Variants in HHIPL1 observed in about 807,000 individuals in gnomAD.
The protein encoded by HHIPL1 is HHIP-like protein 1.
HHIPL1 carries 43 observed loss-of-function variants against 61.8 expected under a neutral mutation model. That is an observed-to-expected ratio of 0.70 (90% CI 0.55 to 0.90). The LOEUF (loss-of-function observed/expected upper bound fraction) is 0.90. Ranked by LOEUF, HHIPL1 falls within the 40% of genes least tolerant of loss-of-function variation. The probability of loss-of-function intolerance (pLI) is 0.00; values close to 1 mark genes in which losing one functional copy is unlikely to be tolerated. For synonymous variants in HHIPL1, 482 were observed against 515.8 expected (o/e 0.93, Z 0.89); for missense variants, 1,056 against 1,157.7 (o/e 0.91, Z 1.28).
At position 99,675,371 on chromosome 14, in the gene HHIPL1, C is replaced by T. The variant is rs1040612599; in HGVS notation, c.2094C>T (p.Thr698=). The T allele has an allele frequency of 7.3e-6, 11 of 1,509,412 alleles. No homozygotes were observed. The African/African-American group carries it at 8.5e-5, about 12-fold the overall frequency. The allele number at this position is 1,509,412 out of a possible 1,614,324, so 93.5% of individuals were successfully genotyped here. A position where few individuals can be genotyped will look rare whatever the true frequency, so the allele number is the denominator to read the frequency against. Residue 698 remains threonine, a synonymous_variant, in exon 9 of 9, where the codon ACC becomes ACT. Coordinates refer to ENST00000330710, the MANE Select transcript of HHIPL1 (RefSeq NM_001127258.3). This position sits in a 1 kb window ranked among gnomAD's most constrained non-coding sequence, Gnocchi z 5.4. ...TGTTCGTGGGCGGACGCTGGGGCACCGTGTGCGACGACTCCTGGAACATCA... is the reference window on the plus strand; with the variant it reads ...TGTTCGTGGGCGGACGCTGGGGCACTGTGTGCGACGACTCCTGGAACATCA... ...VEVFVGGRWG[T]VCDDSWNISG...
chr14:99,607,530 T>C, the HHIPL1 span, among the ~76,000 whole-genome samples: 1 of 152,134 alleles, frequency 6.6e-6, no homozygotes, highest in African/African-American at 2.4e-5. Context: ...CAGCAGGGGC[T>C]GAGAACCGGT....
In HHIPL1 at chr14:99,645,226, G is replaced by T. The variant is rs1354072292; in HGVS notation, c.19G>T (p.Gly7Trp). 7.6e-7 allele frequency: 1 copy of T among 1,324,212 alleles called. No individual in the cohort carries two copies. Among genetic ancestry groups the T allele is most frequent in the African/African-American group, 1.5e-5 (1 of 65,156 alleles). 82.0% of individuals were successfully genotyped at this position (1,324,212 alleles called of 1,614,324 possible). A position where few individuals can be genotyped will look rare whatever the true frequency, so the allele number is the denominator to read the frequency against. ...CGTAGCGATGGCCCGGGCCAGGGCCGGGGCGCTGCTGGCGCTTTGGGTGCT... is the reference window on the plus strand; with the variant it reads ...CGTAGCGATGGCCCGGGCCAGGGCCTGGGCGCTGCTGGCGCTTTGGGTGCT... Reference protein sequence around the residue: MARARAGALLALWVLGA... With the variant: MARARAWALLALWVLGA... Residue 7 changes from glycine to tryptophan, a missense_variant, in exon 1 of 9, where the codon GGG becomes TGG. Gly to Trp is a radical substitution (Grantham distance 184). Coordinates refer to ENST00000330710, the MANE Select transcript of HHIPL1 (RefSeq NM_001127258.3).
At chr14:99,638,350 C>T in the HHIPL1 span, among the ~76,000 whole-genome samples, 1 of 152,132 alleles carries the variant, frequency 6.6e-6, no homozygotes, top group Non-Finnish European at 1.5e-5. Flanking sequence ...GGCGGCCTGT[C>T]GGGGAAGAGG....
chr14:99,668,220 A>T lies in HHIPL1; in HGVS notation c.1649-2A>T. The T allele has an allele frequency of 1.9e-6, 3 of 1,600,660 alleles. No homozygotes were observed. The highest frequency in any genetic ancestry group is 2.6e-6 in the Non-Finnish European group (3 of 1,167,830). ...TCACTAGTCACTTTGTTCTGTCCAAAGGGGAGCTGTACTTCATGTCGACAG... is the reference window on the plus strand; with the variant it reads ...TCACTAGTCACTTTGTTCTGTCCAATGGGGAGCTGTACTTCATGTCGACAG... On this transcript the variant is annotated splice_acceptor_variant, in intron 6 of 8. Coordinates refer to ENST00000330710, the MANE Select transcript of HHIPL1 (RefSeq NM_001127258.3). LOFTEE classifies it high-confidence loss of function. The surrounding 1 kb of genome is among the most constrained non-coding windows in gnomAD (Gnocchi z 4.7).
the HHIPL1 span, among the ~76,000 whole-genome samples, chr14:99,630,707 G>C: frequency 6.6e-6 from 1 of 152,208 alleles, no homozygotes; most frequent in Non-Finnish European, 1.5e-5. Context: ...CACAGACTCT[G>C]TTAGTTTGCT....
At chr14:99,635,216 G>A in the HHIPL1 span, among the ~76,000 whole-genome samples, 6 of 152,152 alleles carry the variant, frequency 3.9e-5, no homozygotes, top group Admixed American at 2.0e-4. Flanking sequence ...ACTGGCTGCC[G>A]GACAGTTGGG....
In HHIPL1 at chr14:99,675,779, C is replaced by T. The variant is rs2056385330; in HGVS notation, c.*153C>T. On this transcript the variant is annotated 3_prime_UTR_variant, in exon 9 of 9. Transcript: ENST00000330710. This position sits in a 1 kb window ranked among gnomAD's most constrained non-coding sequence, Gnocchi z 5.4. ...GGGACATGTGTGAGGCGCTGCAGTG[C>T]ATGTGTGTCCTCTGCAGACCCAAGG... 3 of 714,784 alleles carry T rather than the reference C, an allele frequency of 4.2e-6. No homozygotes were observed. In the South Asian group the frequency reaches 6.9e-5, roughly 16 times the overall value. The allele number at this position is 714,784 out of a possible 1,614,324, so 44.3% of individuals were successfully genotyped here. A position where few individuals can be genotyped will look rare whatever the true frequency, so the allele number is the denominator to read the frequency against.
At chr14:99,612,299 G>A in the HHIPL1 span, among the ~76,000 whole-genome samples, 10 of 152,132 alleles carry the variant, frequency 6.6e-5, no homozygotes, top group African/African-American at 9.7e-5. Flanking sequence ...CCCTTGACAC[G>A]TGGGGATTAT....
intron 7 of HHIPL1, chr14:99,669,182 A>T (rs1438908640): frequency 2.3e-6 from 3 of 1,298,568 alleles, no homozygotes; most frequent in Non-Finnish European, 2.9e-6. Flanking sequence ...CCAAGCCTGT[A>T]TCTCTTCACT....
intron 1 of HHIPL1, among the ~76,000 whole-genome samples, chr14:99,649,562 G>C (rs567416207): frequency 6.6e-6 from 1 of 152,188 alleles, no homozygotes; most frequent in Non-Finnish European, 1.5e-5. Context: ...GGGCCAAGGC[G>C]GGAGGATTGC....
chr14:99,619,976 G>A, the HHIPL1 span, among the ~76,000 whole-genome samples: 1 of 152,160 alleles, frequency 6.6e-6, no homozygotes, highest in Non-Finnish European at 1.5e-5. Flanking sequence ...ATGAGGATCC[G>A]GCCTTTCTCC....
At chr14:99,612,127 G>A in the HHIPL1 span, among the ~76,000 whole-genome samples, 2 of 152,176 alleles carry the variant, frequency 1.3e-5, no homozygotes, top group African/African-American at 4.8e-5. Context: ...ACAGTTCCGC[G>A]TGGCCAGGGA....
the HHIPL1 span, among the ~76,000 whole-genome samples, chr14:99,609,976 A>G: frequency 6.6e-6 from 1 of 152,250 alleles, no homozygotes; most frequent in Non-Finnish European, 1.5e-5. Flanking sequence ...AGACTAGCAG[A>G]CAGTGAGAAG....
chr14:99,670,399 C>G (rs1333926648), intron 7 of HHIPL1, among the ~76,000 whole-genome samples: 1 of 152,076 alleles, frequency 6.6e-6, no homozygotes, highest in Non-Finnish European at 1.5e-5. Flanking sequence ...GGTGTGAGCC[C>G]CCACGCCCAG....
chr14:99,644,532 C>A (rs1464187913), upstream of HHIPL1, among the ~76,000 whole-genome samples: 1 of 152,056 alleles, frequency 6.6e-6, no homozygotes, highest in Non-Finnish European at 1.5e-5. Flanking sequence ...GGATGCCCAT[C>A]CCAGGAGGTA....
rs572405459 is a variant in HHIPL1, at chr14:99,675,661, G to T, written c.*35G>T. The T allele has an allele frequency of 1.1e-4, 161 of 1,472,322 alleles. No individual in the cohort carries two copies. In the African/African-American group the frequency reaches 2.0e-3, roughly 19 times the overall value. 91.2% of individuals were successfully genotyped at this position (1,472,322 alleles called of 1,614,324 possible). On this transcript the variant is annotated 3_prime_UTR_variant, in exon 9 of 9. Coordinates refer to ENST00000330710, the MANE Select transcript of HHIPL1 (RefSeq NM_001127258.3). The surrounding 1 kb of genome is among the most constrained non-coding windows in gnomAD (Gnocchi z 5.4). ...CGCTGCCCCAGGCCATCCCGCCGGC[G>T]GGGGAGCCTGGCAGGGGCCGCTCCG...
chr14:99,610,640 A>C, the HHIPL1 span, among the ~76,000 whole-genome samples: 245 of 152,230 alleles, frequency 1.6e-3, no homozygotes, highest in African/African-American at 5.7e-3. Flanking sequence ...AGGTGCCTGT[A>C]ATCCTAGCTA....
chr14:99,661,816 G>A (rs1417890407), intron 5 of HHIPL1, among the ~76,000 whole-genome samples: 2 of 152,146 alleles, frequency 1.3e-5, no homozygotes, highest in African/African-American at 4.8e-5. Context: ...AGCCGAATAG[G>A]GTTCCTAAGG....
At chr14:99,666,443 C>A (rs1005762817) in intron 6 of HHIPL1, among the ~76,000 whole-genome samples, 1 of 152,168 alleles carries the variant, frequency 6.6e-6, no homozygotes, top group Admixed American at 6.5e-5. Flanking sequence ...CTGGAAGGGG[C>A]CTTGCAGTCT....
Sources: allele counts gnomAD v4.1 joint callset (sites outside exome capture counted in the v4.1 genomes callset), GRCh38; gene constraint gnomAD v4.1.1; non-coding constraint Gnocchi (gnomAD v3.1); transcripts MANE v1.5; gene names NCBI Gene and HGNC (gene_info 2026-07-23, HGNC 2026-07-21).